The following ACBD6 variants were observed in gnomAD, a reference collection of about 807,000 sequenced individuals.
ACBD6 encodes the protein acyl-CoA binding domain containing 6.
A neutral mutation model predicts 37.2 loss-of-function variants in ACBD6; 28 were observed. That is an observed-to-expected ratio of 0.75 (90% CI 0.56 to 1.03). The LOEUF (loss-of-function observed/expected upper bound fraction) is 1.03, where lower values mean the gene tolerates loss of function less well. Ranked by LOEUF, ACBD6 falls within the 50% of genes least tolerant of loss-of-function variation. The pLI is 0.00. For missense variants in ACBD6, 340 were observed against 337.4 expected (o/e 1.01, Z -0.06); for synonymous variants, 113 against 126.8 (o/e 0.89, Z 0.73).
At chr1:180,436,147 G>T (rs1251072848) in intron 3 of ACBD6, among the ~76,000 whole-genome samples, 1 of 152,150 alleles carries the variant, frequency 6.6e-6, no homozygotes, top group Non-Finnish European at 1.5e-5. Flanking sequence ...CCTTTCAGTG[G>T]TAGACTTGGG....
intron 4 of ACBD6, among the ~76,000 whole-genome samples, chr1:180,422,502 CT>C (rs750092053): frequency 1.3e-5 from 2 of 152,188 alleles, no homozygotes; most frequent in Non-Finnish European, 2.9e-5. Context: ...GCCACCACAC[CT>C]GGCCCATCCC....
At chr1:180,488,014 T>C (rs1651342867) in intron 3 of ACBD6, among the ~76,000 whole-genome samples, 2 of 152,188 alleles carry the variant, frequency 1.3e-5, no homozygotes, top group Non-Finnish European at 2.9e-5. Flanking sequence ...GTTCTTTTTC[T>C]TAGGAAAAAA....
chr1:180,362,149 G>A (rs916106443), intron 6 of ACBD6, among the ~76,000 whole-genome samples: 2 of 152,186 alleles, frequency 1.3e-5, no homozygotes, highest in Non-Finnish European at 2.9e-5. Flanking sequence ...AAGAGAAAGA[G>A]AGGGAGAGAG....
intron 3 of ACBD6, among the ~76,000 whole-genome samples, chr1:180,434,216 TCA>T (rs1056947604): frequency 2.6e-5 from 4 of 151,814 alleles, no homozygotes; most frequent in African/African-American, 9.7e-5. Context: ...AACAGAGATC[TCA>T]CAACTGACAA....
At chr1:180,332,513 A>G (rs544463245) in intron 6 of ACBD6, among the ~76,000 whole-genome samples, 10 of 152,216 alleles carry the variant, frequency 6.6e-5, no homozygotes, top group African/African-American at 2.4e-4. Flanking sequence ...AGATTCTCAC[A>G]GGAATGCCAA....
intron 3 of ACBD6, among the ~76,000 whole-genome samples, chr1:180,448,573 T>C (rs1046198884): frequency 6.6e-6 from 1 of 152,306 alleles, no homozygotes; most frequent in African/African-American, 2.4e-5. Flanking sequence ...GCTCTTAGTA[T>C]GAAGCTTTAT....
Position 180,483,029 on chromosome 1 carries a change from C to T in ACBD6, c.384+9240G>A, listed in dbSNP as rs938071651. On this transcript the variant is annotated intron_variant, in intron 3 of 7. Transcript: ENST00000367595. Reference sequence around the variant, plus strand: ...TTACAAGTTTACAATCAGTATATTTCGCTTCTCAGAGTAAAAGCCACAATC... The same window carrying T: ...TTACAAGTTTACAATCAGTATATTTTGCTTCTCAGAGTAAAAGCCACAATC... 1.3e-5 allele frequency among the ~76,000 whole-genome samples: 2 copies of T among 152,222 alleles called. 1 individual carries two copies. The highest frequency in any genetic ancestry group is 4.1e-4 in the South Asian group (2 of 4,832).
At chr1:180,404,038 C>A (rs1279829783) in intron 5 of ACBD6, among the ~76,000 whole-genome samples, 1 of 152,056 alleles carries the variant, frequency 6.6e-6, no homozygotes, top group African/African-American at 2.4e-5. Flanking sequence ...GCAACCTCCA[C>A]CTCCTGGGTT....
At chr1:180,341,524 T>C (rs967533718) in intron 6 of ACBD6, among the ~76,000 whole-genome samples, 1 of 152,094 alleles carries the variant, frequency 6.6e-6, no homozygotes, top group African/African-American at 2.4e-5. Context: ...TCTGTATAGG[T>C]TCCATCAGGA....
At chr1:180,398,851 C>G (rs890683538) in intron 5 of ACBD6, among the ~76,000 whole-genome samples, 5 of 151,950 alleles carry the variant, frequency 3.3e-5, no homozygotes, top group African/African-American at 1.2e-4. Context: ...AGTTGACATC[C>G]CTACTTTATG....
intron 6 of ACBD6, among the ~76,000 whole-genome samples, chr1:180,365,085 T>C (rs1653006815): frequency 6.6e-6 from 1 of 152,182 alleles, no homozygotes; most frequent in Admixed American, 6.5e-5. Flanking sequence ...TCATAGTTAG[T>C]GGCAGAATAG....
At chr1:180,376,545 A>G (rs1004013493) in intron 6 of ACBD6, among the ~76,000 whole-genome samples, 6 of 152,228 alleles carry the variant, frequency 3.9e-5, no homozygotes, top group African/African-American at 1.4e-4. Flanking sequence ...TCTAGGATAC[A>G]CTGTTAGGTG....
chr1:180,276,135 C>T (rs1025192372), intron 9 of ACBD6: 3 of 152,164 alleles, frequency 2.0e-5, no homozygotes, highest in African/African-American at 7.2e-5. Context: ...ATGAGATCAG[C>T]AGAGTAGGAA....
chr1:180,502,364 G>T lies in ACBD6; in HGVS notation c.-98C>A. ...CCTGGCCCACCAGTCTGGGTCGCGA[G>T]CCTGAGCTCCAGTCGGACCCAAGCT... On this transcript the variant is annotated 5_prime_UTR_variant, in exon 1 of 8. Coordinates refer to ENST00000367595, the MANE Select transcript of ACBD6 (RefSeq NM_032360.4). 1.5e-6 allele frequency: 2 copies of T among 1,365,246 alleles called. No homozygotes were observed. The highest frequency in any genetic ancestry group is 1.0e-6 in the Non-Finnish European group (1 of 975,982). The allele number at this position is 1,365,246 out of a possible 1,614,324, so 84.6% of individuals were successfully genotyped here. A position where few individuals can be genotyped will look rare whatever the true frequency, so the allele number is the denominator to read the frequency against.
chr1:180,483,871 T>C (rs766881056), intron 3 of ACBD6, among the ~76,000 whole-genome samples: 1 of 152,140 alleles, frequency 6.6e-6, no homozygotes, highest in Non-Finnish European at 1.5e-5. Flanking sequence ...AAAGAAATAG[T>C]ACCCATGCAT....
chr1:180,460,735 T>C (rs1249876696), intron 3 of ACBD6, among the ~76,000 whole-genome samples: 1 of 151,718 alleles, frequency 6.6e-6, no homozygotes, highest in Non-Finnish European at 1.5e-5. Flanking sequence ...AAACCAAAAA[T>C]CCCATCCACA....
chr1:180,288,808 G>A lies in ACBD6; in HGVS notation c.695-291C>T, dbSNP rs551088727. On this transcript the variant is annotated intron_variant, in intron 7 of 7. Transcript: ENST00000367595. ...CTCTAGTCTTTAAGAATGGGATTAA[G>A]GAAAGGAATAAAAAATAGTATTTAA... 8.5e-5 allele frequency among the ~76,000 whole-genome samples: 13 copies of A among 152,060 alleles called. No individual in the cohort carries two copies. In the South Asian group the frequency reaches 2.5e-3, roughly 29 times the overall value.
intron 9 of ACBD6, chr1:180,277,753 C>G (rs1054647185): frequency 6.6e-6 from 1 of 151,654 alleles, no homozygotes; most frequent in East Asian, 1.9e-4. Flanking sequence ...ATGAATATAA[C>G]GTAAAATAAA....
intron 7 of ACBD6, among the ~76,000 whole-genome samples, chr1:180,309,846 T>A (rs114737520): frequency 1.2e-4 from 18 of 152,296 alleles, no homozygotes; most frequent in Non-Finnish European, 2.2e-4. Context: ...TGGGGGTGGC[T>A]GAGACAAATT....
Sources: allele counts gnomAD v4.1 joint callset (sites outside exome capture counted in the v4.1 genomes callset), GRCh38; gene constraint gnomAD v4.1.1; transcripts MANE v1.5; gene names NCBI Gene and HGNC (gene_info 2026-07-23, HGNC 2026-07-21).